CAMSAP1: variants seen among roughly 807,000 people sequenced by gnomAD.
The protein encoded by CAMSAP1 is calmodulin regulated spectrin associated protein 1.
CAMSAP1 carries 58 observed loss-of-function variants against 143.5 expected under a neutral mutation model. That is an observed-to-expected ratio of 0.40 (90% CI 0.33 to 0.50). CAMSAP1 has a LOEUF of 0.50. Ranked by LOEUF, CAMSAP1 falls within the 20% of genes least tolerant of loss-of-function variation. The pLI, the probability that CAMSAP1 is intolerant of heterozygous loss-of-function variation, is 0.45. For missense variants in CAMSAP1, 1,969 were observed against 2,115.7 expected (o/e 0.93, Z 1.36); for synonymous variants, 945 against 859.3 (o/e 1.10, Z -1.74).
In CAMSAP1 at chr9:135,824,536, G is replaced by A. The variant is rs1835602336; in HGVS notation, c.1315+253C>T. ...AAAAATTAACTGAGCATGGTGGCATGCGCCTATAATCCCAGCTATGTGGGA... is the reference window on the plus strand; with the variant it reads ...AAAAATTAACTGAGCATGGTGGCATACGCCTATAATCCCAGCTATGTGGGA... On this transcript the variant is annotated intron_variant, in intron 9 of 16. Transcript: ENST00000389532. The surrounding 1 kb of genome is among the most constrained non-coding windows in gnomAD (Gnocchi z 4.1). 1.3e-5 allele frequency among the ~76,000 whole-genome samples: 2 copies of A among 152,088 alleles called. No homozygotes were observed. Among genetic ancestry groups the A allele is most frequent in the Admixed American group, 6.6e-5 (1 of 15,260 alleles).
intron 1 of CAMSAP1, among the ~76,000 whole-genome samples, chr9:135,891,872 T>C (rs1397396317): frequency 6.6e-6 from 1 of 151,994 alleles, no homozygotes; most frequent in Admixed American, 6.5e-5. Context: ...GAACGAAAAT[T>C]TCAGGACTAA....
At position 135,907,068 on chromosome 9, in the gene CAMSAP1, C is replaced by T. The variant is rs1465103707; in HGVS notation, c.92G>A (p.Arg31His). Residue 31 changes from arginine to histidine, a missense_variant, in exon 1 of 17, where the codon CGC becomes CAC. Coordinates refer to ENST00000389532, the MANE Select transcript of CAMSAP1 (RefSeq NM_015447.4). ...DGAADLVPLD[R>H]YDAARAKIAA... is the part of the protein sequence containing the mutation. ...GATCTTGGCGCGCGCCGCGTCGTAGCGGTCCAGGGGCACGAGGTCGGCGGC... is the reference window on the plus strand; with the variant it reads ...GATCTTGGCGCGCGCCGCGTCGTAGTGGTCCAGGGGCACGAGGTCGGCGGC... 2.5e-6 allele frequency: 3 copies of T among 1,207,318 alleles called. No homozygotes were observed. Among genetic ancestry groups the T allele is most frequent in the Non-Finnish European group, 3.1e-6 (3 of 960,700 alleles). 74.8% of individuals were successfully genotyped at this position (1,207,318 alleles called of 1,614,324 possible). A position where few individuals can be genotyped will look rare whatever the true frequency, so the allele number is the denominator to read the frequency against.
chr9:135,865,426 GGA>G, intron 4 of CAMSAP1: 1 of 1,507,704 alleles, frequency 6.6e-7, no homozygotes, highest in South Asian at 1.2e-5. Flanking sequence ...GTCCACGTGT[GGA>G]CGAGGTAACA....
At chr9:135,836,100 T>C (rs1462455516) in intron 7 of CAMSAP1, 1 of 985,368 alleles carries the variant, frequency 1.0e-6, no homozygotes, top group Non-Finnish European at 1.2e-6. Context: ...GAAAGAGAGC[T>C]GCCAAAATCC....
intron 5 of CAMSAP1, among the ~76,000 whole-genome samples, chr9:135,856,546 C>T (rs1836985148): frequency 6.6e-6 from 1 of 152,196 alleles, no homozygotes; most frequent in Non-Finnish European, 1.5e-5. Flanking sequence ...AACACGCAGC[C>T]CCATCCCCTA....
chr9:135,821,752 T>C lies in CAMSAP1; in HGVS notation c.2909A>G (p.Glu970Gly), dbSNP rs1419676356. 1.1e-5 allele frequency: 18 copies of C among 1,613,740 alleles called. No homozygotes were observed. The highest frequency in any genetic ancestry group is 1.4e-5 in the Non-Finnish European group (17 of 1,179,790). Residue 970 changes from glutamate to glycine, a missense_variant, in exon 11 of 17, where the codon GAG becomes GGG. Physicochemically the swap from Glu to Gly is moderately conservative, Grantham distance 98 (BLOSUM62 -2). Around this residue, in one of 4 missense-constraint regions of CAMSAP1, gnomAD observed 1,390 missense variants for 1,420.8 expected, o/e 0.98. Transcript: ENST00000389532. The surrounding 1 kb of genome is among the most constrained non-coding windows in gnomAD (Gnocchi z 4.6). ...GCTCTCTTTGTCCACATCCTGTGGC[T>C]CGTGAAGGAGCTCCTCTCTCTGCTC... Reference protein sequence around the residue: ...KEEQREELLHEPQDVDKESLA... With the variant: ...KEEQREELLHGPQDVDKESLA...
chr9:135,890,530 T>C (rs1838259798), intron 1 of CAMSAP1, among the ~76,000 whole-genome samples: 1 of 152,114 alleles, frequency 6.6e-6, no homozygotes, highest in South Asian at 2.1e-4. Flanking sequence ...GGACAAAATC[T>C]GGACTCTAGG....
At chr9:135,901,036 G>C (rs1351614197) in intron 1 of CAMSAP1, among the ~76,000 whole-genome samples, 2 of 152,164 alleles carry the variant, frequency 1.3e-5, no homozygotes, top group African/African-American at 4.8e-5. Context: ...TTACAGGCAT[G>C]AGCCACCACG....
intron 3 of CAMSAP1, among the ~76,000 whole-genome samples, chr9:135,873,759 G>T (rs1351743261): frequency 6.6e-6 from 1 of 151,648 alleles, no homozygotes; most frequent in Admixed American, 6.6e-5. Flanking sequence ...GTATATTAAA[G>T]AAATTAAATT....
intron 3 of CAMSAP1, among the ~76,000 whole-genome samples, chr9:135,866,943 C>T (rs1837398650): frequency 6.6e-6 from 1 of 152,202 alleles, no homozygotes; most frequent in African/African-American, 2.4e-5. Flanking sequence ...CAGGATGGGT[C>T]ACACATCCCA....
intron 3 of CAMSAP1, among the ~76,000 whole-genome samples, chr9:135,878,484 A>G (rs964468889): frequency 2.0e-5 from 3 of 152,372 alleles, no homozygotes; most frequent in African/African-American, 7.2e-5. Context: ...CTATGCCCAA[A>G]GGGAATTCAG....
chr9:135,870,778 G>C (rs938155911), intron 3 of CAMSAP1, among the ~76,000 whole-genome samples: 2 of 152,174 alleles, frequency 1.3e-5, no homozygotes, highest in African/African-American at 2.4e-5. Context: ...CTAGGTGACA[G>C]AGCCAGAGTC....
rs1239264955 is a variant in CAMSAP1 at position 135,818,608 on chromosome 9, G to A, written c.3968C>T (p.Ala1323Val). ...ELKRDEARRK[A>V]EEDRVRKEEE... The stretch of plus-strand genomic sequence containing the variant: ...CTCCTTCCGCACCCGGTCTTCCTCA[G>A]CTTTGCGCCTGAGAGAAACACACGC... The change falls in exon 13 of 17, where the codon GCT becomes GTT. Residue 1323 changes from alanine to valine, a missense_variant. This residue lies in a region of CAMSAP1 where 1,390 missense variants were observed against 1,420.8 expected (regional missense o/e 0.98). Coordinates refer to ENST00000389532, the MANE Select transcript of CAMSAP1 (RefSeq NM_015447.4). The surrounding 1 kb of genome is among the most constrained non-coding windows in gnomAD (Gnocchi z 7.7). The A allele has an allele frequency of 4.3e-6, 7 of 1,612,988 alleles. No homozygotes were observed. Among genetic ancestry groups the A allele is most frequent in the Admixed American group, 1.7e-5 (1 of 59,998 alleles).
chr9:135,824,945 G>A lies in CAMSAP1; in HGVS notation c.1224-65C>T. On this transcript the variant is annotated intron_variant, in intron 8 of 16. Transcript: ENST00000389532. The surrounding 1 kb of genome is among the most constrained non-coding windows in gnomAD (Gnocchi z 4.1). Reference sequence around the variant, plus strand: ...TCAAACTTCAAGGTCAACAGCAAATGCACAAGTGTACAGGACCATCCTGAA... The same window carrying A: ...TCAAACTTCAAGGTCAACAGCAAATACACAAGTGTACAGGACCATCCTGAA... The A allele has an allele frequency of 1.6e-6, 2 of 1,282,528 alleles. No homozygotes were observed. Among genetic ancestry groups the A allele is most frequent in the Non-Finnish European group, 2.2e-6 (2 of 911,332 alleles). The allele number at this position is 1,282,528 out of a possible 1,614,324, so 79.4% of individuals were successfully genotyped here.
chr9:135,901,727 T>G (rs1838624528), intron 1 of CAMSAP1, among the ~76,000 whole-genome samples: 1 of 152,128 alleles, frequency 6.6e-6, no homozygotes, highest in African/African-American at 2.4e-5. Flanking sequence ...GCTAAAAACA[T>G]CTTCCCAGGC....
At chr9:135,846,210 C>A (rs1429473465) in intron 7 of CAMSAP1, among the ~76,000 whole-genome samples, 3 of 151,906 alleles carry the variant, frequency 2.0e-5, no homozygotes, top group Non-Finnish European at 4.4e-5. Flanking sequence ...AGAACAGAGG[C>A]CTCAGAAATA....
rs1165866911 is a variant in CAMSAP1, at chr9:135,821,859, G to C, written c.2802C>G (p.His934Gln). The C allele has an allele frequency of 6.2e-7, 1 of 1,614,036 alleles. No homozygotes were observed. The highest frequency in any genetic ancestry group is 1.1e-5 in the South Asian group (1 of 91,084). Residue 934 changes from histidine to glutamine, a missense_variant, in exon 11 of 17, where the codon CAC (histidine) becomes CAG (glutamine). By Grantham distance (24) the His-to-Gln change is conservative (BLOSUM62 0). Around this residue, in one of 4 missense-constraint regions of CAMSAP1, gnomAD observed 1,390 missense variants for 1,420.8 expected, o/e 0.98. Transcript: ENST00000389532. This position sits in a 1 kb window ranked among gnomAD's most constrained non-coding sequence, Gnocchi z 4.6. ...TGTGCTGAGAGTACTCCTTTGCAAA[G>C]TGCTCCGGCCTGAGGGGTGGGGCAG... ...AEAAPPLRPE[H>Q]FAKEYSQHNG... is the part of the protein sequence containing the mutation.
intron 1 of CAMSAP1, among the ~76,000 whole-genome samples, chr9:135,890,426 G>A (rs183030840): frequency 2.6e-5 from 4 of 152,228 alleles, no homozygotes; most frequent in East Asian, 1.9e-4. Context: ...TTCCTGGACC[G>A]CGGTTTCCCC....
intron 1 of CAMSAP1, among the ~76,000 whole-genome samples, chr9:135,900,383 G>A (rs1346133179): frequency 1.3e-5 from 2 of 151,972 alleles, no homozygotes; most frequent in African/African-American, 4.8e-5. Flanking sequence ...GAGTGACTGG[G>A]GAATAATAAA....
Sources: gnomAD v4.1 joint callset for allele counts (sites outside exome capture counted in the v4.1 genomes callset) on GRCh38, gnomAD v4.1.1 for gene constraint, gnomAD v4.1.1 regional missense constraint, Gnocchi (gnomAD v3.1) non-coding constraint, MANE v1.5 for transcripts, NCBI Gene and HGNC (gene_info 2026-07-23, HGNC 2026-07-21) for gene names.